Variants in PMS1 observed in about 807,000 individuals in gnomAD.
PMS1 encodes the protein PMS1 homolog 1, mismatch repair system component.
PMS1 carries 79 observed loss-of-function variants against 93.1 expected under a neutral mutation model. That is an observed-to-expected ratio of 0.85 (90% CI 0.71 to 1.02). PMS1 has a LOEUF of 1.02. Among genes scored for constraint, PMS1 ranks in the 50% least tolerant of loss-of-function variants. The pLI is 0.00. For missense variants in PMS1, 1,064 were observed against 1,085.3 expected, an observed-to-expected ratio of 0.98 and a Z score of 0.28; for synonymous variants, 335 against 363.4, an observed-to-expected ratio of 0.92 and a Z score of 0.89.
At position 189,854,892 on chromosome 2, in the gene PMS1, T is replaced by G; in HGVS notation, c.1620T>G (p.Asn540Lys). The G allele has an allele frequency of 2.1e-5, 34 of 1,605,848 alleles. No homozygotes were observed. The highest frequency in any genetic ancestry group is 2.8e-5 in the Non-Finnish European group (33 of 1,173,464). Reference sequence around the variant, plus strand: ...ATTATCCAATCCCTGAACAAATGAATCTTAATGAAGATTCATGTAACAAAA... The same window carrying G: ...ATTATCCAATCCCTGAACAAATGAAGCTTAATGAAGATTCATGTAACAAAA... ...NNNYPIPEQM[N>K]LNEDSCNKKS... Residue 540 changes from asparagine (N) to lysine (K), a missense_variant, in exon 9 of 13, where the codon AAT becomes AAG. Coordinates refer to ENST00000441310, the MANE Select transcript of PMS1 (RefSeq NM_000534.5).
chr2:189,813,826 A>G (rs554518512), intron 4 of PMS1, among the ~76,000 whole-genome samples: 1 of 152,346 alleles, frequency 6.6e-6, no homozygotes, highest in South Asian at 2.1e-4. Flanking sequence ...AAGGCAGTGT[A>G]TCATAGTTTA....
In PMS1 at chr2:189,875,955, CAAAA is replaced by C. The variant is rs561168809; in HGVS notation, c.2635-1295_2635-1292del. On this transcript the variant is annotated intron_variant, in intron 12 of 12. Coordinates refer to ENST00000441310, the MANE Select transcript of PMS1 (RefSeq NM_000534.5). ...TGGGCGATAGAGCTAGACTCTGTCT[CAAAA>C]AAAAAAAAAAAAAAAAAAAAATTGC... Among the ~76,000 whole-genome samples, 172 of 46,168 alleles carry C rather than the reference CAAAA, an allele frequency of 3.7e-3. 1 individual carries two copies. Among genetic ancestry groups the C allele is most frequent in the Middle Eastern group, 0.013 (1 of 76 alleles). The allele number at this position is 46,168 out of a possible 152,430, so 30.3% of individuals were successfully genotyped here.
chr2:189,834,976 G>T (rs2053262301), intron 5 of PMS1, among the ~76,000 whole-genome samples: 1 of 152,112 alleles, frequency 6.6e-6, no homozygotes, highest in Non-Finnish European at 1.5e-5. Context: ...CTCCCAAAGT[G>T]CTGGGATTAC....
intron 5 of PMS1, among the ~76,000 whole-genome samples, chr2:189,841,915 G>T (rs910595968): frequency 3.2e-5 from 1 of 31,296 alleles, no homozygotes; most frequent in African/African-American, 1.3e-4. Flanking sequence ...AGAACAAAGG[G>T]GAGCTGTCTC....
At chr2:189,790,709 G>C in intron 1 of PMS1, among the ~76,000 whole-genome samples, 1 of 152,144 alleles carries the variant, frequency 6.6e-6, no homozygotes, top group East Asian at 1.9e-4. Flanking sequence ...AGTAGTTGCT[G>C]TTCTTATTGT....
At chr2:189,834,116 A>G (rs774160848) in intron 5 of PMS1, among the ~76,000 whole-genome samples, 6 of 152,208 alleles carry the variant, frequency 3.9e-5, no homozygotes, top group Non-Finnish European at 8.8e-5. Flanking sequence ...CCTGCTCCAT[A>G]AGTACTCAGT....
At chr2:189,836,311 G>T (rs1458502800) in intron 5 of PMS1, among the ~76,000 whole-genome samples, 1 of 152,154 alleles carries the variant, frequency 6.6e-6, no homozygotes, top group African/African-American at 2.4e-5. Flanking sequence ...TATTTTTGAG[G>T]TGTTTTTGCA....
intron 9 of PMS1, among the ~76,000 whole-genome samples, chr2:189,861,721 G>C (rs553766984): frequency 1.3e-5 from 2 of 148,678 alleles, no homozygotes; most frequent in African/African-American, 2.5e-5. Context: ...CTGCACTCCA[G>C]CCTGGGAGAC....
At chr2:189,860,383 C>A (rs2055830216) in intron 9 of PMS1, among the ~76,000 whole-genome samples, 1 of 151,920 alleles carries the variant, frequency 6.6e-6, no homozygotes, top group Admixed American at 6.6e-5. Flanking sequence ...TGTGACTCAT[C>A]CATGTTGTTG....
At chr2:189,796,052 A>G in intron 3 of PMS1, 101 bp downstream of exon 3, 8 of 935,936 alleles carry the variant, frequency 8.5e-6, no homozygotes, top group South Asian at 1.3e-5. Context: ...AATTATTTTT[A>G]TTATGGTAAA....
intron 5 of PMS1, among the ~76,000 whole-genome samples, chr2:189,840,557 A>G (rs1451803001): frequency 6.6e-6 from 1 of 152,236 alleles, no homozygotes; most frequent in Non-Finnish European, 1.5e-5. Flanking sequence ...TTTGAAAGCA[A>G]TAATAGTGAA....
chr2:189,864,193 A>C lies in PMS1; in HGVS notation c.2307A>C (p.Ala769=). The C allele has an allele frequency of 6.2e-7, 1 of 1,610,106 alleles. No individual in the cohort carries two copies. Among genetic ancestry groups the C allele is most frequent in the Non-Finnish European group, 8.5e-7 (1 of 1,176,798 alleles). Residue 769 remains alanine (A), a synonymous_variant, in exon 10 of 13, where the codon GCA becomes GCC. Transcript: ENST00000441310. The part of the protein sequence containing the change: ...KRLLENHKLP[A]EPLEKPIMLT... ...TTCTTGAGAATCATAAACTTCCTGC[A>C]GAGCCACTGGAAAAGCCAATTATGT...
intron 6 of PMS1, among the ~76,000 whole-genome samples, chr2:189,852,427 T>A (rs542104354): frequency 1.3e-5 from 2 of 152,290 alleles, no homozygotes; most frequent in East Asian, 3.9e-4. Flanking sequence ...AAATGCCAAT[T>A]TTTCCTTAGA....
chr2:189,799,687 G>A (rs5742999), intron 3 of PMS1, among the ~76,000 whole-genome samples: 3,394 of 152,302 alleles, frequency 0.022, 151 homozygotes, highest in African/African-American at 0.078. Flanking sequence ...CTTCAGGACT[G>A]AGCAGTCAGC....
At chr2:189,864,989 T>A (rs2056515928) in intron 10 of PMS1, among the ~76,000 whole-genome samples, 1 of 151,654 alleles carries the variant, frequency 6.6e-6, no homozygotes, top group African/African-American at 2.4e-5. Context: ...CACATTTGCT[T>A]TACCTTTCTA....
rs59807167 is a variant in PMS1 at position 189,864,657 on chromosome 2, G to GAAAA, written c.2342+457_2342+460dup. Among the ~76,000 whole-genome samples the GAAAA allele has an allele frequency of 1.4e-3, 5 of 3,664 alleles. 2 individuals are homozygous for GAAAA. Among genetic ancestry groups the GAAAA allele is most frequent in the Non-Finnish European group, 1.2e-3 (2 of 1,724 alleles). The allele number at this position is 3,664 out of a possible 152,430, so 2.4% of individuals were successfully genotyped here. A position where few individuals can be genotyped will look rare whatever the true frequency, so the allele number is the denominator to read the frequency against. On this transcript the variant is annotated intron_variant, in intron 10 of 12. Transcript: ENST00000441310. ...GGTAACAGAGCAAGAGTCTGTCTCAGAAAAAAAAAAAAAAAAAAAAAAAAA... is the reference window on the plus strand; with the variant it reads ...GGTAACAGAGCAAGAGTCTGTCTCAGAAAAAAAAAAAAAAAAAAAAAAAAAAAAA...
chr2:189,803,453 T>C (rs1332059146), intron 3 of PMS1, among the ~76,000 whole-genome samples: 2 of 152,230 alleles, frequency 1.3e-5, no homozygotes, highest in Non-Finnish European at 2.9e-5. Context: ...ACTTTTCCTT[T>C]TAAAATACTG....
intron 5 of PMS1, among the ~76,000 whole-genome samples, chr2:189,829,071 T>C (rs2052696956): frequency 6.6e-6 from 1 of 152,138 alleles, no homozygotes; most frequent in Non-Finnish European, 1.5e-5. Context: ...GACTTAAACA[T>C]TGAATATAGT....
At chr2:189,821,989 ATTTTC>A (rs2051939790) in intron 5 of PMS1, among the ~76,000 whole-genome samples, 1 of 152,032 alleles carries the variant, frequency 6.6e-6, no homozygotes, top group Admixed American at 6.6e-5. Context: ...CAATGTGGGT[ATTTTC>A]TTTAGAAATT....
Sources: gnomAD v4.1 joint callset for allele counts (sites outside exome capture counted in the v4.1 genomes callset) on GRCh38, gnomAD v4.1.1 for gene constraint, MANE v1.5 for transcripts, NCBI Gene and HGNC (gene_info 2026-07-23, HGNC 2026-07-21) for gene names.